The following GRM1 variants were observed in gnomAD, a reference collection of about 807,000 sequenced individuals.
GRM1 encodes metabotropic glutamate receptor 1.
In GRM1, 33 loss-of-function variants were observed where a neutral mutation model predicts 90.9. That is an observed-to-expected ratio of 0.36 (90% CI 0.28 to 0.49). GRM1 has a LOEUF of 0.49. GRM1 is among the 20% of genes least tolerant of loss of function. The pLI is 0.99. For missense variants in GRM1, 1,190 were observed against 1,534.3 expected, an observed-to-expected ratio of 0.78 and a Z score of 3.75; for synonymous variants, 700 against 613.2, an observed-to-expected ratio of 1.14 and a Z score of -2.09.
At chr6:146,423,866 G>A (rs1778098680) in intron 7 of GRM1, among the ~76,000 whole-genome samples, 1 of 152,210 alleles carries the variant, frequency 6.6e-6, no homozygotes, top group Admixed American at 6.5e-5. Flanking sequence ...AAAAGCAGAG[G>A]TAAAGTGTTA....
chr6:146,295,297 C>T (rs979744733), intron 2 of GRM1, among the ~76,000 whole-genome samples: 29 of 152,102 alleles, frequency 1.9e-4, no homozygotes, highest in Non-Finnish European at 3.7e-4. Context: ...GATCTTGGCT[C>T]ACTGCAACCT....
At chr6:146,380,275 G>T (rs1220180634) in intron 5 of GRM1, among the ~76,000 whole-genome samples, 2 of 152,088 alleles carry the variant, frequency 1.3e-5, no homozygotes, top group South Asian at 2.1e-4. Context: ...TTAGAAGTCT[G>T]CCTGGTGTTT....
intron 1 of GRM1, among the ~76,000 whole-genome samples, chr6:146,051,026 G>C (rs1050751533): frequency 6.6e-6 from 1 of 151,944 alleles, no homozygotes; most frequent in Non-Finnish European, 1.5e-5. Flanking sequence ...TCCTCCATTT[G>C]TAGTTATAGT....
intron 6 of GRM1, among the ~76,000 whole-genome samples, chr6:146,397,126 C>A (rs1004298967): frequency 6.6e-6 from 1 of 152,072 alleles, no homozygotes; most frequent in African/African-American, 2.4e-5. Flanking sequence ...TCAAAATTAT[C>A]TTGGTGAAGC....
intron 6 of GRM1, among the ~76,000 whole-genome samples, chr6:146,392,051 T>C (rs562242671): frequency 2.0e-5 from 3 of 152,308 alleles, no homozygotes; most frequent in Non-Finnish European, 4.4e-5. Flanking sequence ...GAGGCCTTAG[T>C]ATCTGTCCTT....
At chr6:146,142,974 A>C (rs1776944407) in intron 1 of GRM1, among the ~76,000 whole-genome samples, 1 of 152,076 alleles carries the variant, frequency 6.6e-6, no homozygotes, top group East Asian at 1.9e-4. Context: ...GTCTCCCATC[A>C]TAGCTACCAC....
intron 2 of GRM1, among the ~76,000 whole-genome samples, chr6:146,249,245 A>C (rs1196062653): frequency 6.6e-6 from 1 of 152,212 alleles, no homozygotes; most frequent in African/African-American, 2.4e-5. Context: ...CTGCATGTTA[A>C]TAGCCAAGAC....
intron 2 of GRM1, among the ~76,000 whole-genome samples, chr6:146,278,566 A>G (rs1782455530): frequency 6.6e-6 from 1 of 152,196 alleles, no homozygotes; most frequent in Non-Finnish European, 1.5e-5. Context: ...ACCTGAGGTC[A>G]GGATTTCAAG....
At chr6:146,053,649 C>T (rs558484468) in intron 1 of GRM1, among the ~76,000 whole-genome samples, 4 of 152,108 alleles carry the variant, frequency 2.6e-5, no homozygotes, top group Admixed American at 1.3e-4. Context: ...ATCTCTGAAC[C>T]CAGTTCTTGG....
At chr6:146,144,611 T>TA (rs1423739523) in intron 1 of GRM1, among the ~76,000 whole-genome samples, 1 of 152,144 alleles carries the variant, frequency 6.6e-6, no homozygotes, top group African/African-American at 2.4e-5. Context: ...TTATAAGCAA[T>TA]AAAAAACAGA....
At chr6:146,033,022 A>G (rs1266548387) in intron 1 of GRM1, among the ~76,000 whole-genome samples, 5 of 152,080 alleles carry the variant, frequency 3.3e-5, no homozygotes, top group African/African-American at 1.2e-4. Context: ...TCAATCTTAT[A>G]TCATATTATT....
At chr6:146,039,425 A>T (rs1225072606) in intron 1 of GRM1, among the ~76,000 whole-genome samples, 1 of 152,026 alleles carries the variant, frequency 6.6e-6, no homozygotes, top group Non-Finnish European at 1.5e-5. Flanking sequence ...AGTGGGGAAG[A>T]CCAAACTGAA....
chr6:146,147,876 T>A (rs533564499), intron 1 of GRM1, among the ~76,000 whole-genome samples: 1 of 152,044 alleles, frequency 6.6e-6, no homozygotes, highest in South Asian at 2.1e-4. Context: ...AGTCTTCAAC[T>A]TAAAAAAAGA....
chr6:146,142,746 C>T (rs1281119369), intron 1 of GRM1, among the ~76,000 whole-genome samples: 2 of 152,048 alleles, frequency 1.3e-5, no homozygotes, highest in Non-Finnish European at 2.9e-5. Flanking sequence ...CTTCAGTCAG[C>T]TTGTGGTGAA....
chr6:146,089,956 C>T (rs1438333005), intron 1 of GRM1, among the ~76,000 whole-genome samples: 1 of 152,018 alleles, frequency 6.6e-6, no homozygotes, highest in Non-Finnish European at 1.5e-5. Context: ...AATGTTTCTC[C>T]TCTATTTTTT....
chr6:146,149,874 T>C (rs1777257692), intron 1 of GRM1, among the ~76,000 whole-genome samples: 1 of 152,156 alleles, frequency 6.6e-6, no homozygotes. Flanking sequence ...AAGATTCTTT[T>C]GTTCTCTTTG....
intron 2 of GRM1, among the ~76,000 whole-genome samples, chr6:146,261,819 A>G (rs1370827045): frequency 6.6e-6 from 1 of 152,156 alleles, no homozygotes; most frequent in Non-Finnish European, 1.5e-5. Context: ...AATCAAATAA[A>G]TAAAGTAAAG....
chr6:146,289,555 G>A (rs1295633865), intron 2 of GRM1, among the ~76,000 whole-genome samples: 1 of 152,072 alleles, frequency 6.6e-6, no homozygotes, highest in South Asian at 2.1e-4. Flanking sequence ...TAGCCTAAAT[G>A]CCCAGTGTTT....
At chr6:146,189,897 AG>A (rs1778878725) in intron 2 of GRM1, among the ~76,000 whole-genome samples, 1 of 152,232 alleles carries the variant, frequency 6.6e-6, no homozygotes, top group Non-Finnish European at 1.5e-5. Context: ...TGTTAAATAA[AG>A]GAAGGGAAAT....
Sources: allele counts gnomAD v4.1 joint callset (sites outside exome capture counted in the v4.1 genomes callset), GRCh38; gene constraint gnomAD v4.1.1; transcripts MANE v1.5; gene names NCBI Gene and HGNC (gene_info 2026-07-23, HGNC 2026-07-21).